The following AKAP19 variants were observed in gnomAD, a reference collection of about 807,000 sequenced individuals.
AKAP19 encodes small A-kinase anchoring protein.
the AKAP19 span, among the ~76,000 whole-genome samples, chr2:190,187,409 CT>C: frequency 0.014 from 1,886 of 131,222 alleles, 63 homozygotes; most frequent in East Asian, 0.18. Flanking sequence ...TTAGAAGTTA[CT>C]TTTTTTTTTT....
chr2:189,893,457 CCTTGG>C, the AKAP19 span, among the ~76,000 whole-genome samples: 5 of 152,202 alleles, frequency 3.3e-5, no homozygotes, highest in Non-Finnish European at 5.9e-5. Flanking sequence ...TCAAGGCTTC[CCTTGG>C]CTAGGAGAGG....
chr2:190,162,734 C>T, the AKAP19 span, among the ~76,000 whole-genome samples: 1 of 152,088 alleles, frequency 6.6e-6, no homozygotes, highest in South Asian at 2.1e-4. Context: ...AACTTAAGCT[C>T]CGATGGACAT....
At chr2:189,923,518 A>C in the AKAP19 span, 8 of 1,613,886 alleles carry the variant, frequency 5.0e-6, no homozygotes, top group Non-Finnish European at 6.8e-6. Flanking sequence ...TTAATGAGAG[A>C]AATGCCCGGG....
At chr2:190,068,196 A>G in the AKAP19 span, among the ~76,000 whole-genome samples, 2 of 152,136 alleles carry the variant, frequency 1.3e-5, no homozygotes, top group African/African-American at 4.8e-5. Context: ...ATGTTTCCTT[A>G]CTTGTCCTCT....
the AKAP19 span, among the ~76,000 whole-genome samples, chr2:190,186,014 C>A: frequency 6.6e-6 from 1 of 152,070 alleles, no homozygotes; most frequent in Non-Finnish European, 1.5e-5. The surrounding 1 kb of genome is among the most constrained non-coding windows in gnomAD (Gnocchi z 5.5). Flanking sequence ...TGCAGTGGTG[C>A]GATCTTGGCT....
chr2:190,097,841 G>A, the AKAP19 span, among the ~76,000 whole-genome samples: 1 of 114,918 alleles, frequency 8.7e-6, no homozygotes, highest in Non-Finnish European at 1.6e-5. Flanking sequence ...GAGCAACACA[G>A]TGAGAGCTGG....
chr2:190,121,514 C>T, the AKAP19 span, among the ~76,000 whole-genome samples: 132 of 152,326 alleles, frequency 8.7e-4, 1 homozygote, highest in African/African-American at 3.1e-3. Context: ...CATTTATGGG[C>T]ACTTCCATTA....
At chr2:189,921,657 T>C in the AKAP19 span, among the ~76,000 whole-genome samples, 1 of 152,170 alleles carries the variant, frequency 6.6e-6, no homozygotes, top group Non-Finnish European at 1.5e-5. Context: ...TATGTGCTAA[T>C]GGGAATGTTT....
At chr2:189,957,653 T>C in the AKAP19 span, among the ~76,000 whole-genome samples, 1 of 152,218 alleles carries the variant, frequency 6.6e-6, no homozygotes, top group Admixed American at 6.5e-5. Context: ...TTCTATGATA[T>C]AGCTTTTCTA....
the AKAP19 span, chr2:190,062,669 T>TG: frequency 6.8e-7 from 1 of 1,480,090 alleles, no homozygotes; most frequent in African/African-American, 1.4e-5. Context: ...TTTTGAGTAA[T>TG]GCCAAGCAAA....
chr2:190,156,795 T>C, the AKAP19 span, among the ~76,000 whole-genome samples: 1 of 152,210 alleles, frequency 6.6e-6, no homozygotes, highest in Non-Finnish European at 1.5e-5. Flanking sequence ...TACTCTCATA[T>C]ATGTGGAAAT....
the AKAP19 span, among the ~76,000 whole-genome samples, chr2:190,107,111 A>G: frequency 6.6e-6 from 1 of 152,228 alleles, no homozygotes; most frequent in African/African-American, 2.4e-5. Context: ...TGTCTGTGGT[A>G]TTCTTCTGTG....
At chr2:190,124,158 C>T in the AKAP19 span, among the ~76,000 whole-genome samples, 1 of 152,230 alleles carries the variant, frequency 6.6e-6, no homozygotes, top group Non-Finnish European at 1.5e-5. Context: ...TGTCATGGGA[C>T]TTCTCAACCA....
chr2:190,119,623 T>A, the AKAP19 span, among the ~76,000 whole-genome samples: 16 of 152,172 alleles, frequency 1.1e-4, no homozygotes, highest in African/African-American at 3.6e-4. Flanking sequence ...CCAGCTAGGG[T>A]GTAAGAGCCA....
chr2:189,952,099 T>A, the AKAP19 span, among the ~76,000 whole-genome samples: 4 of 152,244 alleles, frequency 2.6e-5, no homozygotes, highest in African/African-American at 9.6e-5. Context: ...TTGTCTTGTA[T>A]CCTCACAATT....
the AKAP19 span, among the ~76,000 whole-genome samples, chr2:190,018,485 TG>T: frequency 3.9e-5 from 6 of 152,306 alleles, no homozygotes; most frequent in South Asian, 2.1e-4. Context: ...AATTTCTATT[TG>T]TTTTTTTTAA....
At chr2:190,039,603 A>G in the AKAP19 span, among the ~76,000 whole-genome samples, 4 of 151,850 alleles carry the variant, frequency 2.6e-5, no homozygotes, top group Admixed American at 6.6e-5. Flanking sequence ...GTTGTTGTAC[A>G]TATTATTTAC....
the AKAP19 span, among the ~76,000 whole-genome samples, chr2:190,088,070 T>C: frequency 1.3e-5 from 2 of 152,142 alleles, no homozygotes; most frequent in East Asian, 3.8e-4. Context: ...AAAGTATGTA[T>C]AGCTGATATT....
At chr2:190,007,210 C>A in the AKAP19 span, among the ~76,000 whole-genome samples, 1 of 152,116 alleles carries the variant, frequency 6.6e-6, no homozygotes, top group African/African-American at 2.4e-5. Context: ...GATATGAAAA[C>A]TTTCTATGGG....
Sources: allele counts gnomAD v4.1 joint callset (sites outside exome capture counted in the v4.1 genomes callset), GRCh38; gene constraint gnomAD v4.1.1; non-coding constraint Gnocchi (gnomAD v3.1); transcripts MANE v1.5; gene names NCBI Gene and HGNC (gene_info 2026-07-23, HGNC 2026-07-21).